SERPINF1: variants seen among roughly 807,000 people sequenced by gnomAD.
SERPINF1 encodes the protein pigment epithelium-derived factor.
SERPINF1 carries 29 observed loss-of-function variants against 37.3 expected under a neutral mutation model. The ratio of observed to expected loss-of-function variants is 0.78; its 90% CI spans 0.58 to 1.06. The LOEUF is 1.06. Among genes scored for constraint, SERPINF1 ranks in the 50% least tolerant of loss-of-function variants. The probability of loss-of-function intolerance (pLI) is 0.00; values close to 1 mark genes in which losing one functional copy is unlikely to be tolerated. For missense variants in SERPINF1, 553 were observed against 532.2 expected, an observed-to-expected ratio of 1.04 and a Z score of -0.38; for synonymous variants, 281 against 227.9, an observed-to-expected ratio of 1.23 and a Z score of -2.10.
chr17:1,764,043 G>A (rs1201757877), intron 1 of SERPINF1, among the ~76,000 whole-genome samples: 1 of 152,224 alleles, frequency 6.6e-6, no homozygotes, highest in African/African-American at 2.4e-5. Flanking sequence ...TTAACCAGGT[G>A]TGGTGGCGGG....
chr17:1,770,038 G>A lies in SERPINF1; in HGVS notation c.271G>A (p.Ala91Thr), dbSNP rs1907631168. 4 of 1,614,170 alleles carry A rather than the reference G, an allele frequency of 2.5e-6. No individual in the cohort carries two copies. Among genetic ancestry groups the A allele is most frequent in the Non-Finnish European group, 3.4e-6 (4 of 1,180,030 alleles). ...SPLSVATALS[A>T]LSLGAEQRTE... ...TCTCAGTGTGGCCACGGCCCTCTCG[G>A]CCCTCTCGCTGGGTGAGTGCTCAGA... Residue 91 changes from alanine to threonine, a missense_variant, in exon 3 of 8, where the codon GCC (alanine) becomes ACC (threonine). Coordinates refer to ENST00000254722, the MANE Select transcript of SERPINF1 (RefSeq NM_002615.7).
chr17:1,774,941 G>A, intron 5 of SERPINF1, 117 bp from the exon 6 acceptor site: 2 of 1,300,142 alleles, frequency 1.5e-6, no homozygotes, highest in Non-Finnish European at 2.2e-6. Flanking sequence ...CAGAGCCCCT[G>A]ACAGCTAAGC....
rs201562844 is a variant in SERPINF1, at chr17:1,777,301, C to G, written c.1112C>G (p.Thr371Ser). The change falls in exon 8 of 8, where the codon ACC becomes AGC. Residue 371 changes from threonine (T) to serine (S), a missense_variant. Coordinates refer to ENST00000254722, the MANE Select transcript of SERPINF1 (RefSeq NM_002615.7). ...GFEWNEDGAG[T>S]TPSPGLQPAH... The stretch of plus-strand genomic sequence containing the variant: ...GAGTGGAACGAGGATGGGGCGGGAA[C>G]CACCCCCAGCCCAGGGCTGCAGCCT... 3 of 1,614,016 alleles carry G rather than the reference C, an allele frequency of 1.9e-6. No homozygotes were observed. In the Admixed American group the frequency reaches 5.0e-5, roughly 27 times the overall value.
In SERPINF1 at chr17:1,775,545, A is replaced by G. The variant is rs184367870; in HGVS notation, c.786+345A>G. Among the ~76,000 whole-genome samples, 115 of 133,114 alleles carry G rather than the reference A, an allele frequency of 8.6e-4. 2 individuals are homozygous for G. In the East Asian group the frequency reaches 0.02, roughly 23 times the overall value. The allele number at this position is 133,114 out of a possible 152,430, so 87.3% of individuals were successfully genotyped here. On this transcript the variant is annotated intron_variant, in intron 6 of 7. Transcript: ENST00000254722. ...TAATGACAAACTCCAAATCGTTGGCATCTTTTTTTTTTTTTTTGAGACAGT... is the reference window on the plus strand; with the variant it reads ...TAATGACAAACTCCAAATCGTTGGCGTCTTTTTTTTTTTTTTTGAGACAGT...
intron 2 of SERPINF1, among the ~76,000 whole-genome samples, chr17:1,768,430 C>CAAAA (rs71150813): frequency 0.038 from 3,497 of 91,590 alleles, 212 homozygotes; most frequent in African/African-American, 0.11. Flanking sequence ...GACTCCGTCT[C>CAAAA]AAAAAAAAAA....
At position 1,777,438 on chromosome 17, in the gene SERPINF1, G is replaced by A. The variant is rs1212326007; in HGVS notation, c.1249G>A (p.Gly417Ser). The change falls in exon 8 of 8, where the codon GGC becomes AGC. Residue 417 changes from glycine to serine, a missense_variant. Gly to Ser is a moderately conservative substitution (Grantham distance 56). Coordinates refer to ENST00000254722, the MANE Select transcript of SERPINF1 (RefSeq NM_002615.7). ...CATTGGCAAGATTCTGGACCCCAGGGGCCCCTAATATCCCAGTTTAATATT... is the reference window on the plus strand; with the variant it reads ...CATTGGCAAGATTCTGGACCCCAGGAGCCCCTAATATCCCAGTTTAATATT... ...LFIGKILDPRGP is the reference protein window; with the variant it reads ...LFIGKILDPRSP The A allele has an allele frequency of 2.5e-6, 4 of 1,614,082 alleles. No homozygotes were observed. The highest frequency in any genetic ancestry group is 2.5e-6 in the Non-Finnish European group (3 of 1,180,032).
chr17:1,775,992 G>A (rs185531119), intron 6 of SERPINF1, among the ~76,000 whole-genome samples: 3 of 152,302 alleles, frequency 2.0e-5, no homozygotes, highest in East Asian at 3.9e-4. Flanking sequence ...GTGCACACAC[G>A]TTTCTGTCAA....
At chr17:1,774,626 CCGGCCATTTT>C (rs1907919116) in intron 5 of SERPINF1, among the ~76,000 whole-genome samples, 1 of 152,098 alleles carries the variant, frequency 6.6e-6, no homozygotes. Flanking sequence ...GTCACCGTGC[CCGGCCATTTT>C]TGTATTTTTA....
chr17:1,766,906 C>A lies in SERPINF1; in HGVS notation c.-5C>A. On this transcript the variant is annotated 5_prime_UTR_variant, in exon 2 of 8. Transcript: ENST00000254722. Reference sequence around the variant, plus strand: ...CTGCCTCGTTCTTTTCTTGCAGGCCCCAGGATGCAGGCCCTGGTGCTACTC... The same window carrying A: ...CTGCCTCGTTCTTTTCTTGCAGGCCACAGGATGCAGGCCCTGGTGCTACTC... 1 of 1,557,418 alleles carries A rather than the reference C, an allele frequency of 6.4e-7. No homozygotes were observed.
intron 6 of SERPINF1, among the ~76,000 whole-genome samples, chr17:1,775,586 A>C (rs1907980236): frequency 6.8e-6 from 1 of 147,404 alleles, no homozygotes; most frequent in Non-Finnish European, 1.5e-5. Flanking sequence ...TCTGTCGGCC[A>C]GGCTGGAGTG....
At chr17:1,770,133 A>C (rs1453898919) in intron 3 of SERPINF1, 83 bp downstream of exon 3, 48 of 1,484,312 alleles carry the variant, frequency 3.2e-5, no homozygotes, top group Admixed American at 5.3e-5. Flanking sequence ...GAGTTTATTG[A>C]CATTTCAGTT....
In SERPINF1 at chr17:1,770,156, A is replaced by T. The variant is rs187579328; in HGVS notation, c.283+106A>T. 134 of 1,270,796 alleles carry T rather than the reference A, an allele frequency of 1.1e-4. No individual in the cohort carries two copies. The Admixed American group carries it at 2.6e-3, about 24-fold the overall frequency. The allele number at this position is 1,270,796 out of a possible 1,614,324, so 78.7% of individuals were successfully genotyped here. ...TGACATTTCAGTTCAGCGAGGGGTG[A>T]AGTAGCACCAGGGGCCTGGCCTGGG... is the stretch of plus-strand genomic sequence containing the variant. On this transcript the variant is annotated intron_variant, in intron 3 of 7. Transcript: ENST00000254722.
Position 1,775,130 on chromosome 17 carries a change from T to G in SERPINF1, c.716T>G (p.Val239Gly), listed in dbSNP as rs375842984. The G allele has an allele frequency of 6.2e-7, 1 of 1,613,710 alleles. No individual in the cohort carries two copies. Among genetic ancestry groups the G allele is most frequent in the African/African-American group, 1.3e-5 (1 of 74,826 alleles). The change falls in exon 6 of 8, where the codon GTG becomes GGG. Residue 239 changes from valine (V) to glycine (G), a missense_variant. Transcript: ENST00000254722. ...EDFYLDEERT[V>G]RVPMMSDPKA... The stretch of plus-strand genomic sequence containing the variant: ...TTCTACTTGGATGAAGAGAGGACCG[T>G]GAGGGTCCCCATGATGTCGGACCCT...
intron 6 of SERPINF1, 25 bp downstream of exon 6, chr17:1,775,225 G>C (rs200844985): frequency 2.6e-5 from 41 of 1,606,852 alleles, no homozygotes; most frequent in Middle Eastern, 3.7e-4. Context: ...GGGCAGGGTG[G>C]GGGGTGGATG....
intron 2 of SERPINF1, 52 bp from the exon 3 acceptor site, chr17:1,769,800 G>A (rs1247364543): frequency 2.5e-6 from 4 of 1,587,084 alleles, no homozygotes; most frequent in Non-Finnish European, 3.5e-6. Context: ...CAGTCCCTGT[G>A]CATCTCTGCG....
chr17:1,776,435 G>C lies in SERPINF1; in HGVS notation c.787-97G>C, dbSNP rs1028577037. 2.8e-6 allele frequency: 3 copies of C among 1,066,588 alleles called. No homozygotes were observed. In the African/African-American group the frequency reaches 4.7e-5, roughly 17 times the overall value. The allele number at this position is 1,066,588 out of a possible 1,614,324, so 66.1% of individuals were successfully genotyped here. A position where few individuals can be genotyped will look rare whatever the true frequency, so the allele number is the denominator to read the frequency against. On this transcript the variant is annotated intron_variant, in intron 6 of 7. Transcript: ENST00000254722. ...GGGGCTGGATGAAGGACGAGACCAGGGCCCCGTCACGGGAGAGGGAAGGCA... is the reference window on the plus strand; with the variant it reads ...GGGGCTGGATGAAGGACGAGACCAGCGCCCCGTCACGGGAGAGGGAAGGCA...
At chr17:1,765,868 CAA>C (rs531558071) in intron 1 of SERPINF1, among the ~76,000 whole-genome samples, 18 of 112,770 alleles carry the variant, frequency 1.6e-4, no homozygotes, top group African/African-American at 1.8e-4. Flanking sequence ...TCTTGTCTCC[CAA>C]AAAAAAAAAA....
At chr17:1,771,263 T>G in intron 4 of SERPINF1, 79 bp downstream of exon 4, 1 of 1,414,260 alleles carries the variant, frequency 7.1e-7, no homozygotes, top group Non-Finnish European at 9.5e-7. Flanking sequence ...TTTTTTTTTT[T>G]TTTGAGACGG....
chr17:1,766,791 A>G, intron 1 of SERPINF1, 112 bp from the exon 2 acceptor site: 1 of 1,013,936 alleles, frequency 9.9e-7, no homozygotes, highest in Non-Finnish European at 1.5e-6. Flanking sequence ...GGGTGGGGGA[A>G]AGTGACTAGC....
Sources: allele counts gnomAD v4.1 joint callset (sites outside exome capture counted in the v4.1 genomes callset), GRCh38; gene constraint gnomAD v4.1.1; transcripts MANE v1.5; gene names NCBI Gene and HGNC (gene_info 2026-07-23, HGNC 2026-07-21).